NPM1: variants seen among roughly 807,000 people sequenced by gnomAD.
NPM1 encodes nucleophosmin.
Under a neutral mutation model 44.1 loss-of-function variants are expected in NPM1, and 1 was observed. That is an observed-to-expected ratio of 0.02 (90% CI 0.01 to 0.11). The LOEUF is 0.11. Ranked by LOEUF, NPM1 falls within the 10% of genes least tolerant of loss-of-function variation. The pLI, the probability that NPM1 is intolerant of heterozygous loss-of-function variation, is 1.00. For missense variants in NPM1, 197 were observed against 347.8 expected, an observed-to-expected ratio of 0.57 and a Z score of 3.45; for synonymous variants, 126 against 111.8, an observed-to-expected ratio of 1.13 and a Z score of -0.80.
At chr5:171,395,573 T>C (rs763194926) in intron 6 of NPM1, among the ~76,000 whole-genome samples, 4 of 152,164 alleles carry the variant, frequency 2.6e-5, no homozygotes, top group Non-Finnish European at 5.9e-5. Context: ...CGCCGCAAGT[T>C]TTCATATAAG....
At chr5:171,391,608 A>T (rs994992891) in intron 3 of NPM1, 98 bp from the exon 4 acceptor site, 1 of 1,114,364 alleles carries the variant, frequency 9.0e-7, no homozygotes, top group Admixed American at 1.9e-5. Context: ...GTGGAAAAAC[A>T]GGTTCACTGG....
chr5:171,391,237 C>G (rs528424220), intron 2 of NPM1, 68 bp from the exon 3 acceptor site: 49 of 1,565,560 alleles, frequency 3.1e-5, no homozygotes, highest in Non-Finnish European at 2.6e-6. Flanking sequence ...CTGCATATAA[C>G]ATTTAGTGGG....
rs1388661206 is a variant in NPM1 at position 171,392,729 on chromosome 5, G to A, written c.372G>A (p.Glu124=). 2 of 1,611,484 alleles carry A rather than the reference G, an allele frequency of 1.2e-6. No homozygotes were observed. The highest frequency in any genetic ancestry group is 2.7e-5 in the African/African-American group (2 of 74,770). ...QHLVAVEEDA[E]SEDEEEEDVK... ...TTTTAGCTGTGGAGGAAGATGCAGAGTCAGAAGATGAAGAGGAGGAGGATG... is the reference window on the plus strand; with the variant it reads ...TTTTAGCTGTGGAGGAAGATGCAGAATCAGAAGATGAAGAGGAGGAGGATG... Residue 124 remains glutamate (E), a synonymous_variant, in exon 5 of 11, where the codon GAG becomes GAA. Coordinates refer to ENST00000296930, the MANE Select transcript of NPM1 (RefSeq NM_002520.7).
upstream of NPM1, chr5:171,387,568 G>A (rs1247448107): frequency 2.4e-5 from 6 of 250,852 alleles, no homozygotes; most frequent in African/African-American, 2.2e-5. Context: ...TGGAAGGGTT[G>A]GAGGTGGGGA....
intron 8 of NPM1, among the ~76,000 whole-genome samples, 160 bp from the exon 9 acceptor site, chr5:171,405,142 C>G (rs1459580010): frequency 6.6e-6 from 1 of 152,016 alleles, no homozygotes; most frequent in Non-Finnish European, 1.5e-5. Flanking sequence ...ATTTTAAGAA[C>G]AAAATTATAT....
chr5:171,406,686 T>C, intron 9 of NPM1: 1 of 1,276,240 alleles, frequency 7.8e-7, no homozygotes, highest in Admixed American at 3.7e-5. Context: ...TAAATCGCCT[T>C]TGTATCTCCT....
chr5:171,392,612 TAGA>T (rs1770637070), intron 4 of NPM1, 95 bp from the exon 5 acceptor site: 1 of 625,664 alleles, frequency 1.6e-6, no homozygotes, highest in East Asian at 3.0e-5. Flanking sequence ...TTAAATAGAA[TAGA>T]AGTCTCAGTT....
intron 8 of NPM1, 24 bp downstream of exon 8, chr5:171,400,949 G>T (rs201905499): frequency 2.0e-6 from 3 of 1,471,334 alleles, no homozygotes; most frequent in South Asian, 2.3e-5. Flanking sequence ...TTTACACGTG[G>T]GTCTCATTGA....
chr5:171,402,053 CTTTTT>C (rs34648553), intron 8 of NPM1, among the ~76,000 whole-genome samples: 4 of 133,618 alleles, frequency 3.0e-5, no homozygotes, highest in Non-Finnish European at 4.8e-5. Flanking sequence ...TTCTGATTTC[CTTTTT>C]TTTTTTTTTT....
intron 9 of NPM1, chr5:171,406,630 C>T (rs1456916247): frequency 2.1e-5 from 28 of 1,333,524 alleles, no homozygotes; most frequent in Non-Finnish European, 2.7e-5. Context: ...TGAACCTTGC[C>T]CTTTGCTTTC....
intron 8 of NPM1, among the ~76,000 whole-genome samples, chr5:171,403,193 G>C (rs1397046783): frequency 1.1e-5 from 1 of 88,664 alleles, no homozygotes; most frequent in East Asian, 3.7e-4. Context: ...TTGAGATTAG[G>C]GATTGGTGAT....
intron 9 of NPM1, chr5:171,406,671 T>C: frequency 1.5e-6 from 2 of 1,293,164 alleles, no homozygotes; most frequent in Non-Finnish European, 2.0e-6. Context: ...CACCTGACAA[T>C]GTTTTAAATC....
chr5:171,388,921 G>GT (rs1452330335), intron 1 of NPM1, among the ~76,000 whole-genome samples: 1 of 152,226 alleles, frequency 6.6e-6, no homozygotes, highest in Admixed American at 6.5e-5. Context: ...GCTTGACTCC[G>GT]TAGCTGCTGC....
At chr5:171,408,849 C>G (rs1581261594) in intron 10 of NPM1, among the ~76,000 whole-genome samples, 1 of 152,272 alleles carries the variant, frequency 6.6e-6, no homozygotes, top group African/African-American at 2.4e-5. Flanking sequence ...ATAAGAGATG[C>G]ATTCTTCAAC....
chr5:171,391,525 C>G, intron 3 of NPM1, 101 bp downstream of exon 3: 2 of 1,444,488 alleles, frequency 1.4e-6, no homozygotes, highest in Non-Finnish European at 1.9e-6. Context: ...GAAAGTGGTT[C>G]TTTATCTTCT....
chr5:171,387,820 T>G (rs967342357), upstream of NPM1: 1 of 838,108 alleles, frequency 1.2e-6, no homozygotes, highest in African/African-American at 1.7e-5. Context: ...ATCTTCAGGG[T>G]CTATATATAA....
Position 171,391,699 on chromosome 5 carries a change from C to T in NPM1, c.259-7C>T, listed in dbSNP as rs200782361. 6.8e-5 allele frequency: 108 copies of T among 1,597,260 alleles called. 1 individual carries two copies. The highest frequency in any genetic ancestry group is 7.5e-5 in the Non-Finnish European group (88 of 1,166,822). ...ATGTTTAGTGATGAAAAATTTCTCCCTTCTAGGTTTCCCTTGGGGGCTTTG... is the reference window on the plus strand; with the variant it reads ...ATGTTTAGTGATGAAAAATTTCTCCTTTCTAGGTTTCCCTTGGGGGCTTTG... On this transcript the variant is annotated splice_region_variant and splice_polypyrimidine_tract_variant and intron_variant, in intron 3 of 10. Coordinates refer to ENST00000296930, the MANE Select transcript of NPM1 (RefSeq NM_002520.7).
Position 171,401,428 on chromosome 5 carries a change from G to A in NPM1, c.669+503G>A, listed in dbSNP as rs74449164. Among the ~76,000 whole-genome samples the A allele has an allele frequency of 2.0e-4, 31 of 152,072 alleles. No individual in the cohort carries two copies. The East Asian group carries it at 5.2e-3, about 26-fold the overall frequency. On this transcript the variant is annotated intron_variant, in intron 8 of 10. Transcript: ENST00000296930. ...CATACTAAATGTAAGGTGGTGGGGC[G>A]GGGGGAGCCAATAGACTTTTTTGAA...
intron 7 of NPM1, among the ~76,000 whole-genome samples, chr5:171,400,419 T>G (rs1771132571): frequency 6.6e-6 from 1 of 151,954 alleles, no homozygotes; most frequent in Non-Finnish European, 1.5e-5. Context: ...TTTGTTAGTC[T>G]TGTGTAACCT....
Sources: allele counts gnomAD v4.1 joint callset (sites outside exome capture counted in the v4.1 genomes callset), GRCh38; gene constraint gnomAD v4.1.1; transcripts MANE v1.5; gene names NCBI Gene and HGNC (gene_info 2026-07-23, HGNC 2026-07-21).